The following TBC1D22A variants were observed in gnomAD, a reference collection of about 807,000 sequenced individuals.
TBC1D22A encodes putative GTPase activator.
A neutral mutation model predicts 60.2 loss-of-function variants in TBC1D22A; 38 were observed. That is an observed-to-expected ratio of 0.63 (90% CI 0.49 to 0.83). The LOEUF (loss-of-function observed/expected upper bound fraction) is 0.83, where lower values mean the gene tolerates loss of function less well. TBC1D22A is among the 40% of genes least tolerant of loss of function. The probability of loss-of-function intolerance (pLI) is 0.00; values close to 1 mark genes in which losing one functional copy is unlikely to be tolerated. For synonymous variants in TBC1D22A, 302 were observed against 281.7 expected (o/e 1.07, Z -0.72); for missense variants, 628 against 701.0 (o/e 0.90, Z 1.18).
intron 5 of TBC1D22A, among the ~76,000 whole-genome samples, chr22:46,884,743 T>G (rs1208054417): frequency 2.6e-5 from 4 of 152,232 alleles, no homozygotes; most frequent in African/African-American, 9.6e-5. Context: ...CAGGATTGGC[T>G]GATGGTCAGT....
At chr22:46,885,506 C>A (rs117007200) in intron 5 of TBC1D22A, among the ~76,000 whole-genome samples, 1 of 152,116 alleles carries the variant, frequency 6.6e-6, no homozygotes, top group African/African-American at 2.4e-5. Context: ...TATGGCAATT[C>A]GGGGGCAAAG....
In TBC1D22A at chr22:47,159,790, C is replaced by T. The variant is rs553668286; in HGVS notation, c.1426-13708C>T. Among the ~76,000 whole-genome samples the T allele has an allele frequency of 1.4e-3, 207 of 151,828 alleles. 2 individuals carry two copies. The Middle Eastern group carries it at 0.031, about 22-fold the overall frequency. Reference sequence around the variant, plus strand: ...ACACCACACACTCACACAGACCCTACACATGCACCACATACACCCACAGCA... The same window carrying T: ...ACACCACACACTCACACAGACCCTATACATGCACCACATACACCCACAGCA... On this transcript the variant is annotated intron_variant, in intron 12 of 12. Transcript: ENST00000337137.
chr22:47,083,736 C>A (rs951414261), intron 11 of TBC1D22A, among the ~76,000 whole-genome samples: 2 of 152,064 alleles, frequency 1.3e-5, no homozygotes, highest in African/African-American at 4.8e-5. Context: ...AAGAACCATC[C>A]CACACACTGG....
At chr22:46,879,291 G>A (rs989842256) in intron 5 of TBC1D22A, among the ~76,000 whole-genome samples, 1 of 140,164 alleles carries the variant, frequency 7.1e-6, no homozygotes, top group African/African-American at 2.7e-5. Flanking sequence ...GAAGTCCTTG[G>A]GGAAAGGTTG....
chr22:47,006,304 G>T (rs1396692530), intron 10 of TBC1D22A, among the ~76,000 whole-genome samples: 1 of 152,212 alleles, frequency 6.6e-6, no homozygotes, highest in East Asian at 1.9e-4. Flanking sequence ...TCGCAGTGAG[G>T]CTGCTTACCC....
At chr22:46,791,632 G>A (rs775468087) in intron 1 of TBC1D22A, among the ~76,000 whole-genome samples, 8 of 151,870 alleles carry the variant, frequency 5.3e-5, no homozygotes, top group South Asian at 2.1e-4. Context: ...GCTGACGTCA[G>A]CCAAAGGAGC....
rs552235142 is a variant in TBC1D22A at position 47,168,292 on chromosome 22, T to C, written c.1426-5206T>C. On this transcript the variant is annotated intron_variant, in intron 12 of 12. Coordinates refer to ENST00000337137, the MANE Select transcript of TBC1D22A (RefSeq NM_014346.5). The stretch of plus-strand genomic sequence containing the variant: ...ACAGACCTGTTGAAGTAGTAGGTGG[T>C]GGAGATGCTGGGGAGAACTCACTGC... Among the ~76,000 whole-genome samples the C allele has an allele frequency of 3.6e-3, 505 of 139,866 alleles. 11 individuals are homozygous for C. Among genetic ancestry groups the C allele is most frequent in the African/African-American group, 0.014 (470 of 34,288 alleles). 91.8% of individuals were successfully genotyped at this position (139,866 alleles called of 152,430 possible).
rs918045401 is a variant in TBC1D22A, at chr22:47,174,775, A to T, written c.*1149A>T. On this transcript the variant is annotated 3_prime_UTR_variant, in exon 13 of 13. Transcript: ENST00000337137. ...CCGCTGTATACTGGTTCTGCCCTGG[A>T]CTGGTTCCCGCTGTGGACTGGTTCC... 1 of 147,558 alleles carries T rather than the reference A, an allele frequency of 6.8e-6. No homozygotes were observed. Among genetic ancestry groups the T allele is most frequent in the Non-Finnish European group, 1.5e-5 (1 of 65,152 alleles). The allele number at this position is 147,558 out of a possible 1,614,324, so 9.1% of individuals were successfully genotyped here. A position where few individuals can be genotyped will look rare whatever the true frequency, so the allele number is the denominator to read the frequency against.
At chr22:47,047,427 T>G (rs927867015) in intron 11 of TBC1D22A, among the ~76,000 whole-genome samples, 1 of 152,204 alleles carries the variant, frequency 6.6e-6, no homozygotes, top group African/African-American at 2.4e-5. Flanking sequence ...TGCTGGGCGC[T>G]GAAGGAGAGG....
chr22:47,160,215 C>T (rs903981493), intron 12 of TBC1D22A, among the ~76,000 whole-genome samples: 5 of 152,214 alleles, frequency 3.3e-5, no homozygotes, highest in Non-Finnish European at 7.3e-5. Context: ...GTGGACAGGA[C>T]GTGGACACCG....
intron 10 of TBC1D22A, among the ~76,000 whole-genome samples, chr22:47,031,744 G>A (rs937255290): frequency 5.9e-5 from 9 of 152,266 alleles, no homozygotes; most frequent in South Asian, 2.1e-4. Flanking sequence ...GTGAGGGGCC[G>A]GGGTCCCCAG....
chr22:47,062,129 C>T (rs1287190341), intron 11 of TBC1D22A, among the ~76,000 whole-genome samples: 2 of 147,192 alleles, frequency 1.4e-5, no homozygotes, highest in Non-Finnish European at 3.0e-5. Context: ...CAATGTCAGT[C>T]CTCCGCCCCC....
At chr22:47,099,738 C>T (rs1569445304) in intron 11 of TBC1D22A, among the ~76,000 whole-genome samples, 1 of 151,076 alleles carries the variant, frequency 6.6e-6, no homozygotes, top group Non-Finnish European at 1.5e-5. Context: ...AGCTACCGCA[C>T]CTGGCCTCGT....
At chr22:47,045,343 C>G (rs1279468268) in intron 11 of TBC1D22A, among the ~76,000 whole-genome samples, 2 of 152,188 alleles carry the variant, frequency 1.3e-5, no homozygotes, top group African/African-American at 4.8e-5. Context: ...AATGCGACTT[C>G]TCTCTGAGAA....
At position 46,797,502 on chromosome 22, in the gene TBC1D22A, C is replaced by G. The variant is rs769407845; in HGVS notation, c.519C>G (p.Thr173=). 2 of 1,613,842 alleles carry G rather than the reference C, an allele frequency of 1.2e-6. No individual in the cohort carries two copies. Among genetic ancestry groups the G allele is most frequent in the East Asian group, 4.5e-5 (2 of 44,870 alleles). Residue 173 remains threonine, a synonymous_variant, in exon 4 of 13, where the codon ACC becomes ACG. Transcript: ENST00000337137. ...QRSQSLPHSA[T]VTLGGTSDPS... The stretch of plus-strand genomic sequence containing the variant: ...CCCAGTCTCTCCCACACTCGGCCAC[C>G]GTCACGCTGGGTGGCACATCTGACC...
intron 11 of TBC1D22A, among the ~76,000 whole-genome samples, chr22:47,052,520 C>A (rs1017223969): frequency 1.6e-4 from 24 of 152,206 alleles, no homozygotes; most frequent in African/African-American, 5.8e-4. Context: ...CCCTGAGACC[C>A]TCCCACAGTG....
chr22:47,066,409 G>A (rs1041781064), intron 11 of TBC1D22A, among the ~76,000 whole-genome samples: 12 of 152,154 alleles, frequency 7.9e-5, no homozygotes, highest in African/African-American at 2.9e-4. Flanking sequence ...AGTCAGGGGA[G>A]GTCGGGAGGG....
intron 5 of TBC1D22A, among the ~76,000 whole-genome samples, chr22:46,880,476 C>T (rs1031294620): frequency 5.3e-5 from 8 of 152,134 alleles, no homozygotes; most frequent in East Asian, 3.8e-4. Context: ...ATTCTCAGAG[C>T]GTTGACTTAT....
chr22:47,081,448 C>T (rs1228423264), intron 11 of TBC1D22A, among the ~76,000 whole-genome samples: 2 of 152,314 alleles, frequency 1.3e-5, no homozygotes, highest in East Asian at 3.9e-4. Context: ...AAGAATTCTG[C>T]TCTCACTACT....
Sources: gnomAD v4.1 joint callset for allele counts (sites outside exome capture counted in the v4.1 genomes callset) on GRCh38, gnomAD v4.1.1 for gene constraint, MANE v1.5 for transcripts, NCBI Gene and HGNC (gene_info 2026-07-23, HGNC 2026-07-21) for gene names.